SUSD5: variants seen among roughly 807,000 people sequenced by gnomAD.
SUSD5 encodes the protein sushi domain-containing protein 5.
Under a neutral mutation model 29.5 loss-of-function variants are expected in SUSD5, and 33 were observed. That is an observed-to-expected ratio of 1.12 (90% CI 0.85 to 1.49). The LOEUF is 1.49. Among genes scored for constraint, SUSD5 ranks in the 40% most tolerant of loss-of-function variants. SUSD5 has a pLI of 0.00. For synonymous variants in SUSD5, 308 were observed against 325.3 expected, an observed-to-expected ratio of 0.95 and a Z score of 0.57; for missense variants, 776 against 800.6, an observed-to-expected ratio of 0.97 and a Z score of 0.37.
rs1444211732 is a variant in SUSD5, at chr3:33,168,685, C to T, written c.598+6201G>A. The T allele has an allele frequency of 9.5e-6, 7 of 734,440 alleles. No individual in the cohort carries two copies. In the South Asian group the frequency reaches 2.4e-4, roughly 26 times the overall value. 45.5% of individuals were successfully genotyped at this position (734,440 alleles called of 1,614,324 possible). ...ATTTTTTTGAGACAGAATCTCACTC[C>T]GTTGCCCAGGCTGGAGTGCAGTGGG... On this transcript the variant is annotated intron_variant, in intron 4 of 4. Coordinates refer to ENST00000309558, the MANE Select transcript of SUSD5 (RefSeq NM_015551.2).
chr3:33,171,136 T>C, intron 4 of SUSD5, among the ~76,000 whole-genome samples: 1 of 152,152 alleles, frequency 6.6e-6, no homozygotes, highest in East Asian at 1.9e-4. Context: ...GGAGTCCTGC[T>C]CAGGAGTTCA....
chr3:33,203,675 G>T (rs779509947), intron 3 of SUSD5, among the ~76,000 whole-genome samples: 2 of 152,190 alleles, frequency 1.3e-5, no homozygotes, highest in Non-Finnish European at 2.9e-5. Context: ...AGCTCAGGGA[G>T]CCCAAAAGCT....
At chr3:33,188,094 T>C (rs2031817086) in intron 3 of SUSD5, among the ~76,000 whole-genome samples, 1 of 152,184 alleles carries the variant, frequency 6.6e-6, no homozygotes, top group Admixed American at 6.5e-5. Context: ...CATAAGCACA[T>C]TTATTTCACT....
chr3:33,176,790 T>G (rs932564340), intron 3 of SUSD5, among the ~76,000 whole-genome samples: 1 of 152,220 alleles, frequency 6.6e-6, no homozygotes, highest in Non-Finnish European at 1.5e-5. Context: ...AAGGTCTGCG[T>G]CTAGGTAATC....
intron 3 of SUSD5, among the ~76,000 whole-genome samples, chr3:33,206,223 A>C (rs2032215529): frequency 6.6e-6 from 1 of 151,944 alleles, no homozygotes; most frequent in South Asian, 2.1e-4. Flanking sequence ...AAAATACAAA[A>C]ATTAGCCGGG....
intron 3 of SUSD5, among the ~76,000 whole-genome samples, chr3:33,188,203 T>G (rs2031819121): frequency 6.6e-6 from 1 of 152,248 alleles, no homozygotes; most frequent in Non-Finnish European, 1.5e-5. Context: ...AGTTGATGCT[T>G]TTATTCTGAT....
intron 3 of SUSD5, among the ~76,000 whole-genome samples, chr3:33,183,177 C>T (rs1327818292): frequency 6.6e-6 from 1 of 152,092 alleles, no homozygotes; most frequent in Non-Finnish European, 1.5e-5. Context: ...TGTTTTTTAA[C>T]ACACTCTGAT....
chr3:33,187,136 G>C (rs1297827835), intron 3 of SUSD5, among the ~76,000 whole-genome samples: 1 of 152,112 alleles, frequency 6.6e-6, no homozygotes, highest in Non-Finnish European at 1.5e-5. Flanking sequence ...CTTCCACCAG[G>C]ATCTACTGGA....
At chr3:33,156,986 A>C (rs2031070452) in intron 4 of SUSD5, among the ~76,000 whole-genome samples, 1 of 152,164 alleles carries the variant, frequency 6.6e-6, no homozygotes, top group African/African-American at 2.4e-5. Flanking sequence ...GCCCAATCAC[A>C]CCCCATTGTG....
At chr3:33,209,211 T>C (rs905739290) in intron 2 of SUSD5, among the ~76,000 whole-genome samples, 1 of 152,204 alleles carries the variant, frequency 6.6e-6, no homozygotes, top group East Asian at 1.9e-4. Flanking sequence ...TATAAAAATA[T>C]TCTTTTCTTC....
At chr3:33,176,037 G>A (rs546006528) in intron 3 of SUSD5, among the ~76,000 whole-genome samples, 1 of 152,302 alleles carries the variant, frequency 6.6e-6, no homozygotes, top group East Asian at 1.9e-4. Flanking sequence ...TGCAACAGCT[G>A]ATCCTTTTAC....
At chr3:33,175,713 A>G (rs761085587) in intron 3 of SUSD5, among the ~76,000 whole-genome samples, 6 of 152,186 alleles carry the variant, frequency 3.9e-5, no homozygotes, top group East Asian at 1.9e-4. Context: ...GGTTCACATC[A>G]AAGTTGAGCA....
chr3:33,200,566 T>C (rs2032096503), intron 3 of SUSD5, among the ~76,000 whole-genome samples: 1 of 152,164 alleles, frequency 6.6e-6, no homozygotes, highest in Admixed American at 6.5e-5. Context: ...ATGTCAAGCA[T>C]GCTAGAAAAA....
intron 1 of SUSD5, among the ~76,000 whole-genome samples, chr3:33,215,640 A>G (rs895093735): frequency 1.3e-5 from 2 of 152,230 alleles, no homozygotes; most frequent in African/African-American, 4.8e-5. Flanking sequence ...GCAGAGATAC[A>G]GAACCAGGCA....
At chr3:33,193,448 G>C (rs546556265) in intron 3 of SUSD5, among the ~76,000 whole-genome samples, 1 of 152,110 alleles carries the variant, frequency 6.6e-6, no homozygotes, top group African/African-American at 2.4e-5. Context: ...AGGTGTTAGG[G>C]GTGAGATGAG....
rs180938137 is a variant in SUSD5, at chr3:33,208,597, T to G, written c.291-671A>C. 7.8e-4 allele frequency among the ~76,000 whole-genome samples: 119 copies of G among 152,280 alleles called. 1 individual carries two copies. Among genetic ancestry groups the G allele is most frequent in the African/African-American group, 2.6e-3 (109 of 41,592 alleles). On this transcript the variant is annotated intron_variant, in intron 2 of 4. Coordinates refer to ENST00000309558, the MANE Select transcript of SUSD5 (RefSeq NM_015551.2). ...CTCTTCCTTTCCTCTTCTTTCTTTT[T>G]TCCCACTTTGGGTTATCTGAATTAT...
intron 4 of SUSD5, among the ~76,000 whole-genome samples, chr3:33,156,045 C>CTTTTTTTTTTTTTTTTTTTT (rs924820623): frequency 7.6e-5 from 11 of 145,348 alleles, no homozygotes; most frequent in Admixed American, 2.1e-4. Context: ...AAAAATGCAT[C>CTTTTTTTTTTTTTTTTTTTT]TTTTTTTTTT....
chr3:33,152,939 C>A lies in SUSD5; in HGVS notation c.1693G>T (p.Asp565Tyr), dbSNP rs186544854. The A allele has an allele frequency of 2.7e-3, 4,373 of 1,613,992 alleles. 16 individuals are homozygous for A. Among genetic ancestry groups the A allele is most frequent in the Middle Eastern group, 5.4e-3 (33 of 6,062 alleles). ...LHPTLESCVG[D>Y]GCPGLSRGPV... ...CCTCTGCTGAGGCCAGGACATCCGT[C>A]CCCCACACACGACTCCAAGGTGGGA... Residue 565 changes from aspartate to tyrosine, a missense_variant, in exon 5 of 5, where the codon GAC becomes TAC. Transcript: ENST00000309558.
chr3:33,188,960 AAATTATTCAC>A (rs2031832303), intron 3 of SUSD5, among the ~76,000 whole-genome samples: 1 of 152,214 alleles, frequency 6.6e-6, no homozygotes, highest in African/African-American at 2.4e-5. Context: ...AAGTGGTTGA[AAATTATTCAC>A]AACCTCTCCC....
Sources: gnomAD v4.1 joint callset for allele counts (sites outside exome capture counted in the v4.1 genomes callset) on GRCh38, gnomAD v4.1.1 for gene constraint, MANE v1.5 for transcripts, NCBI Gene and HGNC (gene_info 2026-07-23, HGNC 2026-07-21) for gene names.